The following FOCAD variants were observed in gnomAD, a reference collection of about 807,000 sequenced individuals.
The protein encoded by FOCAD is KIAA1797.
In FOCAD, 198 loss-of-function variants were observed where a neutral mutation model predicts 225.6. The ratio of observed to expected loss-of-function variants is 0.88; its 90% confidence interval spans 0.78 to 0.99. FOCAD has a LOEUF of 0.99. FOCAD is among the 50% of genes least tolerant of loss of function. The probability of loss-of-function intolerance (pLI) is 0.00; values close to 1 mark genes in which losing one functional copy is unlikely to be tolerated. For missense variants in FOCAD, 2,713 were observed against 2,123.6 expected (o/e 1.28, Z -5.46); for synonymous variants, 897 against 755.0 (o/e 1.19, Z -3.08).
At chr9:20,933,540 A>G (rs1175815341) in intron 28 of FOCAD, among the ~76,000 whole-genome samples, 2 of 151,854 alleles carry the variant, frequency 1.3e-5, no homozygotes, top group Non-Finnish European at 2.9e-5. Context: ...ATTCCTTTTT[A>G]TGGCTGAGTA....
intron 14 of FOCAD, 137 bp from the exon 15 acceptor site, chr9:20,822,852 G>A (rs1233590063): frequency 1.6e-6 from 1 of 617,920 alleles, no homozygotes; most frequent in Non-Finnish European, 2.4e-6. Flanking sequence ...AAAAAACATG[G>A]TGTTAATATT....
At chr9:20,657,137 C>A (rs536311243), upstream of FOCAD, among the ~76,000 whole-genome samples, 1 of 152,044 alleles carries the variant, frequency 6.6e-6, no homozygotes, top group East Asian at 1.9e-4. Context: ...GGGTTTCTGC[C>A]GAGAGATCCG....
At chr9:20,735,537 G>A (rs1260063119) in intron 4 of FOCAD, among the ~76,000 whole-genome samples, 2 of 142,698 alleles carry the variant, frequency 1.4e-5, no homozygotes, top group African/African-American at 5.3e-5. Flanking sequence ...TTCCTTCCCT[G>A]AGACATGTCT....
At chr9:20,765,107 C>A (rs112380372) in intron 7 of FOCAD, 34 bp downstream of exon 7, 14 of 1,564,180 alleles carry the variant, frequency 9.0e-6, no homozygotes, top group Non-Finnish European at 1.1e-5. Flanking sequence ...AAATATAGGT[C>A]AGCATCAGTA....
chr9:20,659,058 A>C (rs1224295263), intron 2 of FOCAD, among the ~76,000 whole-genome samples: 2 of 152,132 alleles, frequency 1.3e-5, no homozygotes, highest in African/African-American at 4.8e-5. Context: ...ATTTCTACTA[A>C]AAATTCAAAA....
Position 20,823,102 on chromosome 9 carries a change from T to A in FOCAD, c.1907T>A (p.Leu636His), listed in dbSNP as rs1385461266. Residue 636 changes from leucine (L) to histidine (H), a missense_variant, in exon 15 of 44, where the codon CTC (leucine) becomes CAC (histidine). Physicochemically the swap from Leu to His is moderately conservative, Grantham distance 99. Transcript: ENST00000338382. ...TTGGTATTACAGGGTCTTCATGCAC[T>A]CTGTCAAGCTGAGGTAGGCATTTTT... ...AALVLQGLHA[L>H]CQAEVVCIRS... The A allele has an allele frequency of 1.5e-5, 24 of 1,605,596 alleles. No homozygotes were observed. The highest frequency in any genetic ancestry group is 2.0e-5 in the Non-Finnish European group (23 of 1,176,986).
chr9:20,731,805 C>A (rs761066705), intron 4 of FOCAD, among the ~76,000 whole-genome samples: 1 of 151,864 alleles, frequency 6.6e-6, no homozygotes, highest in African/African-American at 2.4e-5. Context: ...TTAGTAGAGA[C>A]GGGGTTTCTC....
At chr9:20,822,639 A>C (rs563546420) in intron 14 of FOCAD, among the ~76,000 whole-genome samples, 3 of 152,090 alleles carry the variant, frequency 2.0e-5, no homozygotes, top group Admixed American at 6.6e-5. Flanking sequence ...ATCAGGCCAG[A>C]ATAGCTCTAT....
At chr9:20,828,109 C>T (rs540689648) in intron 15 of FOCAD, among the ~76,000 whole-genome samples, 2 of 149,672 alleles carry the variant, frequency 1.3e-5, no homozygotes, top group African/African-American at 4.9e-5. Context: ...GCCATGATTG[C>T]GCCACTGCAT....
At chr9:20,796,958 T>G (rs956762881) in intron 11 of FOCAD, among the ~76,000 whole-genome samples, 7 of 152,206 alleles carry the variant, frequency 4.6e-5, no homozygotes, top group South Asian at 4.1e-4. Flanking sequence ...GGTCTAACAT[T>G]TAAGTCTTTA....
At chr9:20,924,621 A>G (rs1400176487) in intron 25 of FOCAD, among the ~76,000 whole-genome samples, 1 of 152,108 alleles carries the variant, frequency 6.6e-6, no homozygotes, top group African/African-American at 2.4e-5. Flanking sequence ...TGAGTATCTT[A>G]TGGGCTATCT....
intron 21 of FOCAD, among the ~76,000 whole-genome samples, chr9:20,888,682 G>A (rs897941637): frequency 6.6e-6 from 1 of 152,106 alleles, no homozygotes; most frequent in Non-Finnish European, 1.5e-5. Context: ...GTTGCGGTAG[G>A]AACCCAGTGG....
intron 25 of FOCAD, among the ~76,000 whole-genome samples, chr9:20,924,003 C>T (rs972304306): frequency 6.6e-6 from 1 of 152,062 alleles, no homozygotes; most frequent in Non-Finnish European, 1.5e-5. Flanking sequence ...AATTTTATGC[C>T]ATAGGGGTTA....
chr9:20,912,812 A>G, intron 22 of FOCAD, 54 bp from the exon 23 acceptor site: 1 of 1,437,006 alleles, frequency 7.0e-7, no homozygotes, highest in Non-Finnish European at 9.8e-7. Context: ...AAGAAATTTT[A>G]AGATCACTTC....
chr9:20,856,724 G>A (rs888062759), intron 15 of FOCAD, among the ~76,000 whole-genome samples: 1 of 151,982 alleles, frequency 6.6e-6, no homozygotes, highest in Non-Finnish European at 1.5e-5. Flanking sequence ...ATCCTTTCAG[G>A]TGTTAGATTT....
intron 2 of FOCAD, among the ~76,000 whole-genome samples, chr9:20,662,598 A>G (rs1821762150): frequency 6.6e-6 from 1 of 152,048 alleles, no homozygotes; most frequent in Non-Finnish European, 1.5e-5. Flanking sequence ...CACGTTTGAC[A>G]GATATTTATA....
At chr9:20,931,763 TGGC>T (rs1835494105) in intron 27 of FOCAD, among the ~76,000 whole-genome samples, 1 of 152,136 alleles carries the variant, frequency 6.6e-6, no homozygotes, top group African/African-American at 2.4e-5. Context: ...CCAGGCATGG[TGGC>T]AGATGCCTGT....
At chr9:20,719,295 C>T (rs946489915) in intron 3 of FOCAD, among the ~76,000 whole-genome samples, 5 of 152,148 alleles carry the variant, frequency 3.3e-5, no homozygotes, top group African/African-American at 4.8e-5. Flanking sequence ...GTTGGCCAGG[C>T]TGGTCTCGAA....
At chr9:20,795,784 GAAAAAAAAAAA>G (rs1161085446) in intron 11 of FOCAD, among the ~76,000 whole-genome samples, 1 of 42,406 alleles carries the variant, frequency 2.4e-5, no homozygotes, top group Non-Finnish European at 3.9e-5. Context: ...ACTCTGTCTC[GAAAAAAAAAAA>G]AAAAAAAAAA....
Sources: allele counts gnomAD v4.1 joint callset (sites outside exome capture counted in the v4.1 genomes callset), GRCh38; gene constraint gnomAD v4.1.1; transcripts MANE v1.5; gene names NCBI Gene and HGNC (gene_info 2026-07-23, HGNC 2026-07-21).